Variants in XPA observed in about 807,000 individuals in gnomAD.
XPA encodes the protein XPA, DNA damage recognition and repair factor, also known as DNA repair protein complementing XP-A cells.
XPA carries 27 observed loss-of-function variants against 35.7 expected under a neutral mutation model. The observed-to-expected ratio is 0.76, with a 90% CI of 0.56 to 1.04. The LOEUF (loss-of-function observed/expected upper bound fraction) is 1.04. Among genes scored for constraint, XPA ranks in the 50% least tolerant of loss-of-function variants. The pLI is 0.00. For synonymous variants in XPA, 133 were observed against 118.4 expected, an observed-to-expected ratio of 1.12 and a Z score of -0.80; for missense variants, 354 against 342.7, an observed-to-expected ratio of 1.03 and a Z score of -0.26.
At chr9:97,677,708 C>T (rs1002229614) in intron 5 of XPA, among the ~76,000 whole-genome samples, 1 of 151,624 alleles carries the variant, frequency 6.6e-6, no homozygotes, top group Non-Finnish European at 1.5e-5. Context: ...AAAAAAACAA[C>T]AGAACATAAG....
rs777327970 is a variant in XPA at position 97,685,023 on chromosome 9, A to C, written c.573T>G (p.Leu191=). ...ATGCTTCTTGACTACCCCAAACTTC[A>C]AGAGACCTCTTCACAATCTACAACA... is the stretch of plus-strand genomic sequence containing the variant. ...YLKLQIVKRS[L]EVWGSQEALE... is the part of the protein sequence containing the mutation. Residue 191 remains leucine (L), a synonymous_variant, in exon 5 of 6, where the codon CTT becomes CTG. Coordinates refer to ENST00000375128, the MANE Select transcript of XPA (RefSeq NM_000380.4). 3 of 1,613,542 alleles carry C rather than the reference A, an allele frequency of 1.9e-6. No individual in the cohort carries two copies. Among genetic ancestry groups the C allele is most frequent in the Middle Eastern group, 1.7e-4 (1 of 6,058 alleles).
At chr9:97,664,167 ACT>A in the XPA span, among the ~76,000 whole-genome samples, 6 of 151,708 alleles carry the variant, frequency 4.0e-5, no homozygotes, top group East Asian at 3.9e-4. Context: ...TGACAGAGCA[ACT>A]CTGTCTCCCA....
intron 4 of XPA, among the ~76,000 whole-genome samples, chr9:97,685,576 A>G (rs189997991): frequency 1.4e-4 from 21 of 152,278 alleles, no homozygotes; most frequent in African/African-American, 5.1e-4. Flanking sequence ...AAAACTTTAC[A>G]TTATATACCT....
intron 5 of XPA, 61 bp from the exon 6 acceptor site, chr9:97,675,648 C>T (rs1828339080): frequency 6.2e-7 from 1 of 1,600,246 alleles, no homozygotes; most frequent in African/African-American, 1.3e-5. Context: ...TCCAAAAATC[C>T]AACTCCATCA....
At chr9:97,658,276 C>T in the XPA span, among the ~76,000 whole-genome samples, 17,979 of 152,160 alleles carry the variant, frequency 0.12, 3,014 homozygotes, top group African/African-American at 0.37. Flanking sequence ...TTTGTAAACA[C>T]CTTCTCAGGC....
At chr9:97,689,398 C>T (rs112833438) in intron 3 of XPA, 136 bp downstream of exon 3, 5 of 677,954 alleles carry the variant, frequency 7.4e-6, no homozygotes, top group Non-Finnish European at 5.2e-6. Context: ...AAATAGAAAC[C>T]ATAGAAATTT....
At chr9:97,697,044 G>A in intron 1 of XPA, 77 bp downstream of exon 1, 1 of 1,450,748 alleles carries the variant, frequency 6.9e-7, no homozygotes, top group Admixed American at 2.6e-5. Flanking sequence ...CGGGCCCCGG[G>A]ACTCGGCTTG....
chr9:97,676,523 C>T (rs1828371063), intron 5 of XPA, among the ~76,000 whole-genome samples: 2 of 152,184 alleles, frequency 1.3e-5, no homozygotes, highest in Non-Finnish European at 2.9e-5. Context: ...ATAAAAATAA[C>T]ATACATCAAG....
In XPA at chr9:97,685,132, G is replaced by T. The variant is rs527362067; in HGVS notation, c.556-92C>A. 2,338 of 949,882 alleles carry T rather than the reference G, an allele frequency of 2.5e-3. 1 individual carries two copies. Among genetic ancestry groups the T allele is most frequent in the Non-Finnish European group, 3.3e-3 (2,025 of 613,378 alleles). The allele number at this position is 949,882 out of a possible 1,614,324, so 58.8% of individuals were successfully genotyped here. On this transcript the variant is annotated intron_variant, in intron 4 of 5. Coordinates refer to ENST00000375128, the MANE Select transcript of XPA (RefSeq NM_000380.4). Reference sequence around the variant, plus strand: ...GTCAAATCCAAAGGTACCAAAGAATGATCTAACTCAAGTATAAATTTATAA... The same window carrying T: ...GTCAAATCCAAAGGTACCAAAGAATTATCTAACTCAAGTATAAATTTATAA...
intron 3 of XPA, among the ~76,000 whole-genome samples, chr9:97,688,341 T>A (rs1197369594): frequency 6.6e-6 from 1 of 152,168 alleles, no homozygotes; most frequent in Admixed American, 6.5e-5. Context: ...ACTCACTTCT[T>A]CACTAATCGC....
chr9:97,685,442 A>G (rs915284833), intron 4 of XPA, among the ~76,000 whole-genome samples: 49 of 152,138 alleles, frequency 3.2e-4, no homozygotes, highest in African/African-American at 1.1e-3. Context: ...GAAATTACCA[A>G]TTACTACTAC....
At chr9:97,673,762 T>A (rs577011780), downstream of XPA, 1 of 152,358 alleles carries the variant, frequency 6.6e-6, no homozygotes, top group South Asian at 2.1e-4. Context: ...ACTGTTTTCC[T>A]AATTTATAAC....
the XPA span, chr9:97,664,566 T>G: frequency 1.6e-6 from 1 of 620,388 alleles, no homozygotes; most frequent in African/African-American, 1.8e-5. Context: ...TGGTCCAATC[T>G]GGTAGGATTG....
At chr9:97,662,252 T>G in the XPA span, 1 of 782,646 alleles carries the variant, frequency 1.3e-6, no homozygotes, top group East Asian at 2.7e-5. Context: ...ATCTTAATAG[T>G]GTATAATTGG....
chr9:97,682,441 TCAA>T lies in XPA; in HGVS notation c.673+2479_673+2481del, dbSNP rs760992845. Reference sequence around the variant, plus strand: ...AGGCGGGAACAACCTCTAAAGTAAATCAACAAGAAGCCATAATTAAAGAAGGCA... The same window carrying T: ...AGGCGGGAACAACCTCTAAAGTAAATCAAGAAGCCATAATTAAAGAAGGCA... On this transcript the variant is annotated intron_variant, in intron 5 of 5. Coordinates refer to ENST00000375128, the MANE Select transcript of XPA (RefSeq NM_000380.4). 26 of 518,724 alleles carry T rather than the reference TCAA, an allele frequency of 5.0e-5. No homozygotes were observed. The East Asian group carries it at 1.3e-3, about 26-fold the overall frequency. 32.1% of individuals were successfully genotyped at this position (518,724 alleles called of 1,614,324 possible).
At chr9:97,667,141 CTCACGTTTG>C in the XPA span, among the ~76,000 whole-genome samples, 1 of 152,094 alleles carries the variant, frequency 6.6e-6, no homozygotes, top group Non-Finnish European at 1.5e-5. Context: ...CTGGGTCGGC[CTCACGTTTG>C]CACAAGGGAA....
intron 2 of XPA, among the ~76,000 whole-genome samples, chr9:97,691,069 A>C (rs1828872536): frequency 6.6e-6 from 1 of 152,240 alleles, no homozygotes; most frequent in Non-Finnish European, 1.5e-5. Context: ...TAGGGCAAAA[A>C]GGGATCTGCT....
chr9:97,671,428 A>G (rs1828190629), downstream of XPA: 2 of 431,744 alleles, frequency 4.6e-6, no homozygotes, highest in Non-Finnish European at 8.3e-6. Flanking sequence ...TATATGTGAC[A>G]GATACAAATT....
chr9:97,676,287 C>T (rs142040136), intron 5 of XPA, among the ~76,000 whole-genome samples: 1 of 152,308 alleles, frequency 6.6e-6, no homozygotes, highest in Non-Finnish European at 1.5e-5. Context: ...AGCCAGGACA[C>T]TGGTCATATT....
Sources: allele counts gnomAD v4.1 joint callset (sites outside exome capture counted in the v4.1 genomes callset), GRCh38; gene constraint gnomAD v4.1.1; transcripts MANE v1.5; gene names NCBI Gene and HGNC (gene_info 2026-07-23, HGNC 2026-07-21).